WWOX: variants seen among roughly 807,000 people sequenced by gnomAD.
WWOX encodes the protein WW domain containing oxidoreductase.
In WWOX, 69 loss-of-function variants were observed where a neutral mutation model predicts 46.2. That is an observed-to-expected ratio of 1.49 (90% CI 1.23 to 1.82). The LOEUF is 1.82. Ranked by LOEUF, WWOX falls within the 40% of genes most tolerant of loss-of-function variation. The pLI is 0.00. For synonymous variants in WWOX, 359 were observed against 202.6 expected (o/e 1.77, Z -6.56); for missense variants, 919 against 542.6 (o/e 1.69, Z -6.89).
At chr16:78,256,343 C>G (rs1402256037) in intron 5 of WWOX, among the ~76,000 whole-genome samples, 2 of 151,926 alleles carry the variant, frequency 1.3e-5, no homozygotes, top group Admixed American at 6.6e-5. Flanking sequence ...GTTTCTAAAC[C>G]TACTGGCCTC....
rs72802905 is a variant in WWOX at position 78,110,733 on chromosome 16, C to A, written c.230+898C>A. 3.2e-3 allele frequency among the ~76,000 whole-genome samples: 485 copies of A among 152,150 alleles called. 4 individuals carry two copies. Among genetic ancestry groups the A allele is most frequent in the Middle Eastern group, 0.024 (7 of 294 alleles). ...ATCTGTAGCATTAGGTCATTGGATC[C>A]CCACAGTGCCCTGAGAGGTAGTATT... On this transcript the variant is annotated intron_variant, in intron 3 of 8. Transcript: ENST00000566780.
intron 8 of WWOX, among the ~76,000 whole-genome samples, chr16:78,450,637 A>G (rs2083669419): frequency 6.6e-6 from 1 of 152,190 alleles, no homozygotes; most frequent in Non-Finnish European, 1.5e-5. Flanking sequence ...TGATATTTTA[A>G]TATTTCTAGG....
chr16:78,593,499 C>T (rs932465833), intron 8 of WWOX, among the ~76,000 whole-genome samples: 3 of 152,204 alleles, frequency 2.0e-5, no homozygotes, highest in South Asian at 2.1e-4. Flanking sequence ...GAGGTGGGCA[C>T]ATGACCCAGG....
Position 79,211,818 on chromosome 16 carries a change from C to T in WWOX, c.*22C>T, listed in dbSNP as rs777633935. On this transcript the variant is annotated 3_prime_UTR_variant, in exon 9 of 9. Transcript: ENST00000566780. Reference sequence around the variant, plus strand: ...CTAAGTGGAGCTCAGAGCGGATGGGCACACACACCCGCCCTGTGTGTGTCC... The same window carrying T: ...CTAAGTGGAGCTCAGAGCGGATGGGTACACACACCCGCCCTGTGTGTGTCC... 42 of 1,613,506 alleles carry T rather than the reference C, an allele frequency of 2.6e-5. No individual in the cohort carries two copies. The highest frequency in any genetic ancestry group is 3.1e-5 in the Non-Finnish European group (36 of 1,179,906).
rs373616056 is a variant in WWOX at position 78,500,889 on chromosome 16, C to G, written c.1056+68137C>G. On this transcript the variant is annotated intron_variant, in intron 8 of 8. Transcript: ENST00000566780. ...GATATTTTCTGGCTCAAAGAAGTTC[C>G]AAAAGAATTCAAAGCCAGTGTGTCT... 2.6e-5 allele frequency among the ~76,000 whole-genome samples: 4 copies of G among 152,294 alleles called. 1 individual carries two copies. The highest frequency in any genetic ancestry group is 9.6e-5 in the African/African-American group (4 of 41,568).
intron 8 of WWOX, among the ~76,000 whole-genome samples, chr16:78,801,399 C>A (rs372593249): frequency 6.6e-6 from 1 of 152,242 alleles, no homozygotes; most frequent in East Asian, 1.9e-4. Flanking sequence ...ATCCCAGCTA[C>A]TCAGGAGGCT....
chr16:78,414,840 A>G (rs74833329), intron 6 of WWOX, among the ~76,000 whole-genome samples: 1,824 of 152,272 alleles, frequency 0.012, 37 homozygotes, highest in African/African-American at 0.042. Flanking sequence ...GCCCATGCCC[A>G]GGAATGACCA....
rs80160948 is a variant in WWOX at position 78,723,093 on chromosome 16, C to G, written c.1056+290341C>G. Among the ~76,000 whole-genome samples the G allele has an allele frequency of 1.8e-3, 274 of 152,246 alleles. 9 individuals are homozygous for G. In the East Asian group the frequency reaches 0.044, roughly 24 times the overall value. ...AGGAATGATGAGTACCTGGATTAAA[C>G]TACCTTAAGGCTGATTGAGTAAAAG... On this transcript the variant is annotated intron_variant, in intron 8 of 8. Coordinates refer to ENST00000566780, the MANE Select transcript of WWOX (RefSeq NM_016373.4).
At chr16:78,746,166 C>CA (rs201855016) in intron 8 of WWOX, among the ~76,000 whole-genome samples, 2,168 of 152,250 alleles carry the variant, frequency 0.014, 35 homozygotes, top group South Asian at 0.032. Context: ...GGGCATTTGT[C>CA]AAAGCAGGGT....
intron 8 of WWOX, among the ~76,000 whole-genome samples, chr16:78,677,592 T>C (rs983945448): frequency 3.3e-5 from 5 of 152,218 alleles, no homozygotes; most frequent in Non-Finnish European, 7.3e-5. Context: ...AAACTCCATG[T>C]TGTTTACAGT....
At chr16:78,701,521 C>T (rs962907695) in intron 8 of WWOX, among the ~76,000 whole-genome samples, 2 of 152,104 alleles carry the variant, frequency 1.3e-5, no homozygotes, top group African/African-American at 2.4e-5. Flanking sequence ...CTTCTATCTA[C>T]CTGTCTCTAC....
At chr16:78,525,293 G>C (rs2978630) in intron 8 of WWOX, 128,429 of 150,664 alleles carry the variant, frequency 0.85, 55,246 homozygotes, top group East Asian at 1. Context: ...TCATGCCATT[G>C]TCCTCCCTCA....
intron 8 of WWOX, among the ~76,000 whole-genome samples, chr16:78,637,819 G>A (rs1362017036): frequency 2.0e-5 from 3 of 152,122 alleles, no homozygotes; most frequent in Admixed American, 2.0e-4. Context: ...CCCAGGCCAG[G>A]GCCTATTGTG....
At chr16:79,211,149 G>C (rs1004088525) in intron 8 of WWOX, among the ~76,000 whole-genome samples, 2 of 151,836 alleles carry the variant, frequency 1.3e-5, no homozygotes, top group Non-Finnish European at 2.9e-5. Flanking sequence ...GCCCCACTTG[G>C]GTTTTCTACC....
At chr16:79,087,009 A>T (rs1232584102) in intron 8 of WWOX, among the ~76,000 whole-genome samples, 1 of 152,194 alleles carries the variant, frequency 6.6e-6, no homozygotes, top group African/African-American at 2.4e-5. Context: ...CAGCCTAGGG[A>T]ATGGAGATAC....
intron 8 of WWOX, among the ~76,000 whole-genome samples, chr16:79,113,646 A>C (rs556291355): frequency 1.3e-5 from 2 of 152,254 alleles, no homozygotes; most frequent in Non-Finnish European, 2.9e-5. Flanking sequence ...AGGGCTGACC[A>C]TAAGTTGCAC....
chr16:78,686,897 G>GCAC (rs1374209032), intron 8 of WWOX, among the ~76,000 whole-genome samples: 4 of 152,284 alleles, frequency 2.6e-5, no homozygotes, highest in Middle Eastern at 3.4e-3. Flanking sequence ...TCTGTTGACT[G>GCAC]TGCATGAAGC....
chr16:79,094,750 A>T (rs961455143), intron 8 of WWOX, among the ~76,000 whole-genome samples: 3 of 152,134 alleles, frequency 2.0e-5, no homozygotes, highest in African/African-American at 7.2e-5. Flanking sequence ...AGGAATAACA[A>T]CCTCTCATTT....
chr16:78,176,004 T>C (rs776770490), intron 5 of WWOX, among the ~76,000 whole-genome samples: 30 of 152,158 alleles, frequency 2.0e-4, no homozygotes, highest in Non-Finnish European at 4.4e-4. Context: ...TTTTAAAACA[T>C]ACCTGATCAG....
Sources: allele counts gnomAD v4.1 joint callset (sites outside exome capture counted in the v4.1 genomes callset), GRCh38; gene constraint gnomAD v4.1.1; transcripts MANE v1.5; gene names NCBI Gene and HGNC (gene_info 2026-07-23, HGNC 2026-07-21).